RBFOX1: variants seen among roughly 807,000 people sequenced by gnomAD.
RBFOX1 encodes the protein RNA binding fox-1 homolog 1.
RBFOX1 carries 8 observed loss-of-function variants against 57.7 expected under a neutral mutation model. The ratio of observed to expected loss-of-function variants is 0.14; its 90% confidence interval spans 0.08 to 0.25. RBFOX1 has a LOEUF of 0.25. Among genes scored for constraint, RBFOX1 ranks in the 10% least tolerant of loss-of-function variants. The pLI, the probability that RBFOX1 is intolerant of heterozygous loss-of-function variation, is 1.00. For synonymous variants in RBFOX1, 326 were observed against 222.4 expected (o/e 1.47, Z -4.15); for missense variants, 611 against 548.5 (o/e 1.11, Z -1.14).
chr16:6,863,752 T>A lies in RBFOX1; in HGVS notation c.-15-188305T>A, dbSNP rs1305355709. 1.4e-4 allele frequency among the ~76,000 whole-genome samples: 17 copies of A among 119,940 alleles called. 1 individual carries two copies. The highest frequency in any genetic ancestry group is 4.9e-4 in the African/African-American group (15 of 30,416). 78.7% of individuals were successfully genotyped at this position (119,940 alleles called of 152,430 possible). A position where few individuals can be genotyped will look rare whatever the true frequency, so the allele number is the denominator to read the frequency against. ...TTTTTTTTTTTTTTTTTTTTTTTTT[T>A]ACCAAAACCAAATACAACCTTACAG... On this transcript the variant is annotated intron_variant, in intron 3 of 15. Transcript: ENST00000550418.
intron 4 of RBFOX1, among the ~76,000 whole-genome samples, chr16:7,288,590 C>T (rs750047214): frequency 1.5e-4 from 23 of 152,172 alleles, no homozygotes; most frequent in Non-Finnish European, 2.8e-4. Flanking sequence ...CCTATAACCC[C>T]AGTACTTTGG....
chr16:5,870,482 G>C (rs1244735208), intron 4 of RBFOX1, among the ~76,000 whole-genome samples: 1 of 151,910 alleles, frequency 6.6e-6, no homozygotes, highest in Non-Finnish European at 1.5e-5. Flanking sequence ...GTCATGGTGG[G>C]GGTAAGTGAG....
chr16:5,511,125 A>G (rs929102438), intron 2 of RBFOX1, among the ~76,000 whole-genome samples: 1 of 152,196 alleles, frequency 6.6e-6, no homozygotes, highest in African/African-American at 2.4e-5. Flanking sequence ...AGGAATTAGA[A>G]AGTTACAAAG....
At chr16:6,869,676 A>G (rs900824322) in intron 3 of RBFOX1, among the ~76,000 whole-genome samples, 8 of 152,224 alleles carry the variant, frequency 5.3e-5, no homozygotes, top group Non-Finnish European at 8.8e-5. Flanking sequence ...TTCTCAAAAC[A>G]AATTCTAGGA....
intron 2 of RBFOX1, among the ~76,000 whole-genome samples, chr16:5,512,400 C>T (rs2043626374): frequency 6.8e-6 from 1 of 146,434 alleles, no homozygotes; most frequent in South Asian, 2.1e-4. Flanking sequence ...TCTTCTTCTT[C>T]CTCCTACTCC....
chr16:7,021,705 T>C (rs1302510795), intron 3 of RBFOX1, among the ~76,000 whole-genome samples: 10 of 150,422 alleles, frequency 6.6e-5, no homozygotes, highest in Non-Finnish European at 1.5e-4. Context: ...CATCATAGTA[T>C]TTACCAAGCT....
At chr16:6,969,725 C>T (rs146995615) in intron 3 of RBFOX1, among the ~76,000 whole-genome samples, 1 of 152,192 alleles carries the variant, frequency 6.6e-6, no homozygotes, top group Non-Finnish European at 1.5e-5. Context: ...GCCTGGGTGA[C>T]AGAGCCAGAC....
At chr16:6,408,694 A>G (rs1200087874) in intron 2 of RBFOX1, among the ~76,000 whole-genome samples, 1 of 152,076 alleles carries the variant, frequency 6.6e-6, no homozygotes, top group Non-Finnish European at 1.5e-5. Flanking sequence ...ATGTTTTGTT[A>G]CGGTTTTAGC....
rs188865745 is a variant in RBFOX1 at position 5,992,936 on chromosome 16, C to G, written c.351+125601C>G. Among the ~76,000 whole-genome samples the G allele has an allele frequency of 1.2e-3, 188 of 152,160 alleles. 1 individual carries two copies. The highest frequency in any genetic ancestry group is 2.8e-3 in the Admixed American group (42 of 15,272). ...TGGGTGTCAGAGTAAGACTCTGTCT[C>G]AAAAGAAAGAAAAAAAAGATTTGCA... On this transcript the variant is annotated intron_variant, in intron 4 of 19. Coordinates refer to the RBFOX1 transcript ENST00000641259.
intron 1 of RBFOX1, among the ~76,000 whole-genome samples, chr16:6,315,406 A>G (rs1055572054): frequency 4.7e-5 from 7 of 147,654 alleles, no homozygotes; most frequent in Admixed American, 1.3e-4. Context: ...CGATGGGTCT[A>G]TGGGTGGATA....
intron 3 of RBFOX1, among the ~76,000 whole-genome samples, chr16:7,005,095 G>T (rs140160896): frequency 1.3e-5 from 2 of 152,236 alleles, no homozygotes; most frequent in Non-Finnish European, 2.9e-5. Flanking sequence ...AGTCAGCTGA[G>T]ATCGCGTCAT....
intron 2 of RBFOX1, among the ~76,000 whole-genome samples, chr16:6,591,239 A>G (rs2097706144): frequency 6.6e-6 from 1 of 152,182 alleles, no homozygotes; most frequent in Non-Finnish European, 1.5e-5. Context: ...TGAGGCCAGG[A>G]GTTCAAGACC....
intron 1 of RBFOX1, among the ~76,000 whole-genome samples, chr16:5,454,942 C>CTTT (rs2068567931): frequency 8.8e-5 from 4 of 45,632 alleles, no homozygotes; most frequent in Non-Finnish European, 8.6e-5. Flanking sequence ...TTCCTTCCTT[C>CTTT]CTTCCTTCCT....
chr16:6,851,558 T>C (rs952056119), intron 3 of RBFOX1, among the ~76,000 whole-genome samples: 6 of 152,202 alleles, frequency 3.9e-5, no homozygotes, highest in Admixed American at 2.0e-4. Flanking sequence ...ATATTTGTGT[T>C]CTCCTCTGCC....
intron 4 of RBFOX1, among the ~76,000 whole-genome samples, chr16:7,095,525 C>A (rs2061550298): frequency 6.6e-6 from 1 of 152,040 alleles, no homozygotes; most frequent in Non-Finnish European, 1.5e-5. Flanking sequence ...TCCTCTTTTC[C>A]ACTTGGTTGT....
At chr16:6,140,467 A>G (rs1186924241) in intron 1 of RBFOX1, among the ~76,000 whole-genome samples, 4 of 152,150 alleles carry the variant, frequency 2.6e-5, no homozygotes, top group African/African-American at 9.7e-5. Context: ...AACTGCTGGG[A>G]TTACAGGTGT....
chr16:6,660,238 A>C (rs2098692481), intron 3 of RBFOX1, among the ~76,000 whole-genome samples: 1 of 151,906 alleles, frequency 6.6e-6, no homozygotes, highest in African/African-American at 2.4e-5. Context: ...AAAAAAAAAA[A>C]AAAGCAAGAA....
chr16:6,792,951 C>G (rs964459866), intron 3 of RBFOX1, among the ~76,000 whole-genome samples: 1 of 151,858 alleles, frequency 6.6e-6, no homozygotes, highest in Non-Finnish European at 1.5e-5. Flanking sequence ...ATTGCTTGAA[C>G]CCGTGAGGCA....
intron 3 of RBFOX1, among the ~76,000 whole-genome samples, chr16:6,831,584 C>G (rs939156817): frequency 3.3e-5 from 5 of 152,100 alleles, no homozygotes; most frequent in African/African-American, 1.2e-4. Flanking sequence ...TTGAGTAACT[C>G]AAAAATATTT....
Sources: allele counts gnomAD v4.1 joint callset (sites outside exome capture counted in the v4.1 genomes callset), GRCh38; gene constraint gnomAD v4.1.1; transcripts MANE v1.5; gene names NCBI Gene and HGNC (gene_info 2026-07-23, HGNC 2026-07-21).